Variants in CNTNAP3 observed in about 807,000 individuals in gnomAD.
CNTNAP3 encodes contactin associated protein family member 3.
In CNTNAP3, 36 loss-of-function variants were observed where a neutral mutation model predicts 92.1. The observed-to-expected ratio is 0.39, with a 90% CI of 0.30 to 0.52. CNTNAP3 has a LOEUF of 0.52. Among genes scored for constraint, CNTNAP3 ranks in the 20% least tolerant of loss-of-function variants. The pLI is 0.76. For missense variants in CNTNAP3, 534 were observed against 1,069.6 expected (o/e 0.50, Z 6.98); for synonymous variants, 232 against 422.3 (o/e 0.55, Z 5.53).
chr9:39,141,878 TTAA>T (rs1418286521), intron 11 of CNTNAP3, among the ~76,000 whole-genome samples: 15 of 152,126 alleles, frequency 9.9e-5, no homozygotes, highest in Admixed American at 8.5e-4. Flanking sequence ...TTGAATACAA[TTAA>T]TGAGTTATAT....
chr9:39,136,130 AAATAATAATAAT>A (rs60137174), intron 12 of CNTNAP3, among the ~76,000 whole-genome samples: 37 of 144,926 alleles, frequency 2.6e-4, no homozygotes, highest in African/African-American at 6.1e-4. Context: ...CTCTGTCTCA[AAATAATAATAAT>A]AATAATAATA....
intron 8 of CNTNAP3, among the ~76,000 whole-genome samples, chr9:39,170,419 C>CTT (rs199669428): frequency 3.6e-5 from 4 of 112,318 alleles, no homozygotes; most frequent in Admixed American, 8.2e-5. Context: ...TCAGATTACG[C>CTT]TTTTTTTTTT....
At chr9:39,095,703 T>A (rs1826309737) in intron 18 of CNTNAP3, among the ~76,000 whole-genome samples, 1 of 142,656 alleles carries the variant, frequency 7.0e-6, no homozygotes, top group African/African-American at 2.5e-5. Flanking sequence ...ATAGGTCTTT[T>A]AATATATTTC....
intron 14 of CNTNAP3, among the ~76,000 whole-genome samples, chr9:39,113,245 T>A (rs1327111207): frequency 1.3e-5 from 2 of 152,174 alleles, no homozygotes; most frequent in African/African-American, 2.4e-5. Flanking sequence ...TTTAAGATAC[T>A]GAGTCATACT....
intron 16 of CNTNAP3, 63 bp downstream of exon 16, chr9:39,103,681 G>T: frequency 6.7e-7 from 1 of 1,485,714 alleles, no homozygotes; most frequent in Non-Finnish European, 9.1e-7. Context: ...ACATTTTGTT[G>T]AGTTAAAGCT....
At chr9:39,098,630 T>C (rs1365373345) in intron 18 of CNTNAP3, among the ~76,000 whole-genome samples, 1 of 152,180 alleles carries the variant, frequency 6.6e-6, no homozygotes, top group Non-Finnish European at 1.5e-5. Context: ...TGATGTTGGC[T>C]TGAGATATAA....
chr9:39,134,248 T>C (rs1327474006), intron 12 of CNTNAP3, among the ~76,000 whole-genome samples: 1 of 152,072 alleles, frequency 6.6e-6, no homozygotes, highest in Non-Finnish European at 1.5e-5. Flanking sequence ...TATCCACAAA[T>C]GAGCCACAAG....
At chr9:39,132,281 C>T (rs1474253298) in intron 13 of CNTNAP3, among the ~76,000 whole-genome samples, 3 of 151,998 alleles carry the variant, frequency 2.0e-5, no homozygotes, top group Non-Finnish European at 2.9e-5. Flanking sequence ...GTGGGGATTC[C>T]GGAAAGGAGG....
At chr9:39,091,767 G>A (rs1415997966) in intron 18 of CNTNAP3, among the ~76,000 whole-genome samples, 1 of 151,734 alleles carries the variant, frequency 6.6e-6, no homozygotes, top group Non-Finnish European at 1.5e-5. Context: ...GAAGAGTTTT[G>A]AAGAATACTT....
intron 13 of CNTNAP3, among the ~76,000 whole-genome samples, chr9:39,119,499 A>G (rs1820950830): frequency 6.6e-6 from 1 of 152,212 alleles, no homozygotes; most frequent in Non-Finnish European, 1.5e-5. Context: ...TGCCACTTTA[A>G]AAGTTACCGA....
At chr9:39,129,373 T>C (rs1461963422) in intron 13 of CNTNAP3, among the ~76,000 whole-genome samples, 1 of 152,160 alleles carries the variant, frequency 6.6e-6, no homozygotes, top group Non-Finnish European at 1.5e-5. Context: ...TGCAATTCAA[T>C]GCAGGAAGGA....
chr9:39,159,238 G>T (rs3968735), intron 9 of CNTNAP3: 26 of 149,888 alleles, frequency 1.7e-4, no homozygotes, highest in Admixed American at 6.7e-4. Context: ...TATGGTTCAT[G>T]ATCATGTATG....
At chr9:39,128,800 T>A (rs1359934052) in intron 13 of CNTNAP3, among the ~76,000 whole-genome samples, 4 of 151,270 alleles carry the variant, frequency 2.6e-5, no homozygotes, top group African/African-American at 7.3e-5. Context: ...TAAAAAAAAA[T>A]TAAGTTCAAA....
At chr9:39,165,504 A>AAATATATAAGT (rs1822156223) in intron 9 of CNTNAP3, among the ~76,000 whole-genome samples, 1 of 122,850 alleles carries the variant, frequency 8.1e-6, no homozygotes. Flanking sequence ...ATGTAGACTT[A>AAATATATAAGT]AATATATAAG....
Position 39,066,947 on chromosome 9 carries a change from C to T in CNTNAP3, c.*6943G>A, listed in dbSNP as rs1277769930. On this transcript the variant is annotated 3_prime_UTR_variant, in exon 24 of 24. Transcript: ENST00000297668. ...AATTTTTAAAAATATTTTTTTCTAT[C>T]CATCCACTCTCTTTTCTCCTTTGAG... Among the ~76,000 whole-genome samples, 1 of 152,242 alleles carries T rather than the reference C, an allele frequency of 6.6e-6. No individual in the cohort carries two copies. The highest frequency in any genetic ancestry group is 2.4e-5 in the African/African-American group (1 of 41,468).
intron 4 of CNTNAP3, among the ~76,000 whole-genome samples, chr9:39,179,298 C>T (rs1245304649): frequency 3.8e-5 from 5 of 130,424 alleles, no homozygotes; most frequent in African/African-American, 1.6e-4. Flanking sequence ...CACACACACA[C>T]ACACACACAC....
chr9:39,087,150 T>G (rs1288210918), intron 19 of CNTNAP3, among the ~76,000 whole-genome samples: 1 of 149,684 alleles, frequency 6.7e-6, no homozygotes, highest in Admixed American at 6.7e-5. Context: ...CATATGAGCT[T>G]GGAACTCAGA....
intron 13 of CNTNAP3, among the ~76,000 whole-genome samples, chr9:39,130,154 G>T (rs144392351): frequency 0.038 from 5,840 of 152,166 alleles, 161 homozygotes; most frequent in Non-Finnish European, 0.061. Flanking sequence ...TAATTCCAGA[G>T]AAATGAAAAC....
At chr9:39,147,867 G>A (rs1692984) in intron 10 of CNTNAP3, among the ~76,000 whole-genome samples, 4 of 152,274 alleles carry the variant, frequency 2.6e-5, no homozygotes, top group East Asian at 3.9e-4. Flanking sequence ...GCAGCCTCAC[G>A]ATATATATCT....
Sources: allele counts gnomAD v4.1 joint callset (sites outside exome capture counted in the v4.1 genomes callset), GRCh38; gene constraint gnomAD v4.1.1; transcripts MANE v1.5; gene names NCBI Gene and HGNC (gene_info 2026-07-23, HGNC 2026-07-21).